Variants in RPS19 observed in about 807,000 individuals in gnomAD.
RPS19 encodes small ribosomal subunit protein eS19.
In RPS19, 1 loss-of-function variant was observed where a neutral mutation model predicts 20.3. The ratio of observed to expected loss-of-function variants is 0.05; its 90% CI spans 0.02 to 0.23. The LOEUF (loss-of-function observed/expected upper bound fraction) is 0.23, where lower values mean the gene tolerates loss of function less well. RPS19 is among the 10% of genes least tolerant of loss of function. The probability of loss-of-function intolerance (pLI) is 1.00; values close to 1 mark genes in which losing one functional copy is unlikely to be tolerated. For synonymous variants in RPS19, 87 were observed against 74.8 expected (o/e 1.16, Z -0.84); for missense variants, 111 against 192.7 (o/e 0.58, Z 2.51).
chr19:41,867,379 CT>C (rs1328861425), intron 3 of RPS19, among the ~76,000 whole-genome samples: 3 of 152,210 alleles, frequency 2.0e-5, no homozygotes, highest in Admixed American at 1.3e-4. Context: ...TCTTGGCTAA[CT>C]GCAACCTCTG....
chr19:41,869,581 G>C (rs2074124691), intron 4 of RPS19, 118 bp from the exon 5 acceptor site: 1 of 1,094,858 alleles, frequency 9.1e-7, no homozygotes, highest in Non-Finnish European at 1.4e-6. Flanking sequence ...AGGGCCCTCA[G>C]TGGGACTTGG....
rs1555839145 is a variant in RPS19 at position 41,861,105 on chromosome 19, G to A, written c.72-7G>A. On this transcript the variant is annotated splice_region_variant and splice_polypyrimidine_tract_variant and intron_variant, in intron 2 of 5. Coordinates refer to ENST00000598742, the MANE Select transcript of RPS19 (RefSeq NM_001022.4). ...GAATCGTGCTTTTCCCACTGTTTTG[G>A]TCTTAGGTCCGGGAAGCTGAAAGTC... The A allele has an allele frequency of 6.2e-7, 1 of 1,612,418 alleles. No individual in the cohort carries two copies. Among genetic ancestry groups the A allele is most frequent in the South Asian group, 1.1e-5 (1 of 91,054 alleles).
chr19:41,861,973 G>A (rs1418518144), intron 3 of RPS19, among the ~76,000 whole-genome samples: 1 of 152,190 alleles, frequency 6.6e-6, no homozygotes, highest in Non-Finnish European at 1.5e-5. Context: ...TCAGGAAGAT[G>A]TAACAGGGTG....
chr19:41,870,902 G>T (rs762051623), intron 5 of RPS19, among the ~76,000 whole-genome samples: 3 of 111,550 alleles, frequency 2.7e-5, no homozygotes, highest in African/African-American at 1.0e-4. Context: ...TTGCTCTGTC[G>T]CCCAGGCTGG....
At chr19:41,869,832 G>A in intron 5 of RPS19, 79 bp downstream of exon 5, 1 of 1,474,354 alleles carries the variant, frequency 6.8e-7, no homozygotes, top group Non-Finnish European at 9.5e-7. Flanking sequence ...TTGTCAGGTA[G>A]ACTTATTTCC....
chr19:41,869,248 TA>T, intron 4 of RPS19, 34 bp downstream of exon 4: 1 of 1,577,274 alleles, frequency 6.3e-7, no homozygotes, highest in South Asian at 1.1e-5. Flanking sequence ...ATTGATGGAG[TA>T]GCCTTGAGGC....
At chr19:41,861,836 T>C (rs1435286858) in intron 3 of RPS19, among the ~76,000 whole-genome samples, 2 of 152,240 alleles carry the variant, frequency 1.3e-5, no homozygotes, top group African/African-American at 4.8e-5. Context: ...TCTGATCTTA[T>C]GGACACCCTG....
intron 2 of RPS19, 90 bp from the exon 3 acceptor site, chr19:41,861,022 A>T: frequency 3.5e-6 from 4 of 1,146,142 alleles, no homozygotes; most frequent in Non-Finnish European, 5.3e-6. Flanking sequence ...CTCTGGGCAC[A>T]GCATAGTTGT....
chr19:41,867,700 G>C (rs2074104650), intron 3 of RPS19, among the ~76,000 whole-genome samples: 1 of 152,192 alleles, frequency 6.6e-6, no homozygotes, highest in Non-Finnish European at 1.5e-5. Flanking sequence ...AGCTACTTAG[G>C]AGGCTGAGGC....
At chr19:41,863,249 C>CCCG (rs1568790824) in intron 3 of RPS19, among the ~76,000 whole-genome samples, 1 of 152,150 alleles carries the variant, frequency 6.6e-6, no homozygotes, top group East Asian at 1.9e-4. Context: ...AAGCGGTCCT[C>CCCG]CCGCCTCAGC....
rs781922957 is a variant in RPS19 at position 41,871,387 on chromosome 19, T to A, written c.*10T>A. ...CAACAAGAAGCATTAGAACAAACCA[T>A]GCTGGGTTAATAAATTGCCTCATTC... On this transcript the variant is annotated 3_prime_UTR_variant, in exon 6 of 6. Coordinates refer to ENST00000598742, the MANE Select transcript of RPS19 (RefSeq NM_001022.4). 3.1e-6 allele frequency: 5 copies of A among 1,612,888 alleles called. No individual in the cohort carries two copies. Among genetic ancestry groups the A allele is most frequent in the Non-Finnish European group, 4.2e-6 (5 of 1,179,052 alleles).
rs1248458580 is a variant in RPS19, at chr19:41,871,868, T to TAA, written c.*493_*494dup. 5.4e-6 allele frequency: 1 copy of TAA among 186,854 alleles called. No homozygotes were observed. The highest frequency in any genetic ancestry group is 1.1e-5 in the Non-Finnish European group (1 of 88,344). 11.6% of individuals were successfully genotyped at this position (186,854 alleles called of 1,614,324 possible). A position where few individuals can be genotyped will look rare whatever the true frequency, so the allele number is the denominator to read the frequency against. ...GCTGCAGAGGTGGCTTCCGCTGGAG[T>TAA]AAAGCAAGAGGGCCCAGGGTTCATG... On this transcript the variant is annotated 3_prime_UTR_variant, in exon 6 of 6. Transcript: ENST00000598742.
At chr19:41,869,001 C>G in intron 3 of RPS19, 30 bp from the exon 4 acceptor site, 1 of 1,609,466 alleles carries the variant, frequency 6.2e-7, no homozygotes, top group Non-Finnish European at 8.5e-7. Flanking sequence ...TGATCAAGAC[C>G]CTTAAATCTC....
chr19:41,860,681 G>A, intron 1 of RPS19, 94 bp from the exon 2 acceptor site: 1 of 961,274 alleles, frequency 1.0e-6, no homozygotes, highest in African/African-American at 1.6e-5. Flanking sequence ...CCACGGTTTA[G>A]GATGCGCTGG....
chr19:41,871,588 G>A lies in RPS19; in HGVS notation c.*211G>A, dbSNP rs1555842051. ...TGAGCCACTGTGCCTGGTCTGGTTT[G>A]GGTCTCTTGATTGTTCTTCAGGGGC... On this transcript the variant is annotated 3_prime_UTR_variant, in exon 6 of 6. Transcript: ENST00000598742. 5.3e-6 allele frequency: 3 copies of A among 561,302 alleles called. No homozygotes were observed. The highest frequency in any genetic ancestry group is 1.9e-5 in the African/African-American group (1 of 52,654). 34.8% of individuals were successfully genotyped at this position (561,302 alleles called of 1,614,324 possible). A position where few individuals can be genotyped will look rare whatever the true frequency, so the allele number is the denominator to read the frequency against.
Position 41,861,122 on chromosome 19 carries a change from C to T in RPS19, c.82C>T (p.Leu28=), listed in dbSNP as rs781997499. The T allele has an allele frequency of 6.2e-7, 1 of 1,613,856 alleles. No individual in the cohort carries two copies. Among genetic ancestry groups the T allele is most frequent in the Non-Finnish European group, 8.5e-7 (1 of 1,179,888 alleles). The change falls in exon 3 of 6, where the codon CTG becomes TTG. Residue 28 remains leucine, a synonymous_variant. Transcript: ENST00000598742. The part of the protein sequence containing the change: ...LAAFLKKSGK[L]KVPEWVDTVK... The stretch of plus-strand genomic sequence containing the variant: ...CTGTTTTGGTCTTAGGTCCGGGAAG[C>T]TGAAAGTCCCCGAATGGGTGGATAC...
rs2074029911 is a variant in RPS19 at position 41,861,352 on chromosome 19, G to A, written c.172+140G>A. 4 of 693,830 alleles carry A rather than the reference G, an allele frequency of 5.8e-6. No homozygotes were observed. In the South Asian group the frequency reaches 6.1e-5, roughly 11 times the overall value. 43.0% of individuals were successfully genotyped at this position (693,830 alleles called of 1,614,324 possible). On this transcript the variant is annotated intron_variant, in intron 3 of 5. Coordinates refer to ENST00000598742, the MANE Select transcript of RPS19 (RefSeq NM_001022.4). ...GGTTGTGTCACCACTTGCTTTGTGT[G>A]ATGTGACATTCGATAACTTGGTACT...
intron 3 of RPS19, chr19:41,864,530 G>A (rs1039224343): frequency 6.6e-6 from 1 of 152,282 alleles, no homozygotes; most frequent in African/African-American, 2.4e-5. Context: ...CTCCTAAGGA[G>A]CCGTGCTTGG....
At position 41,866,886 on chromosome 19, in the gene RPS19, G is replaced by A. The variant is rs564103144; in HGVS notation, c.173-2145G>A. On this transcript the variant is annotated intron_variant, in intron 3 of 5. Transcript: ENST00000598742. Reference sequence around the variant, plus strand: ...AAAAAAATTAGCCAGGCGTGGTGGCGGGCCCCTGTAGTCCCAGCTACTCTG... The same window carrying A: ...AAAAAAATTAGCCAGGCGTGGTGGCAGGCCCCTGTAGTCCCAGCTACTCTG... Among the ~76,000 whole-genome samples, 7 of 151,688 alleles carry A rather than the reference G, an allele frequency of 4.6e-5. No homozygotes were observed. The South Asian group carries it at 6.3e-4, about 14-fold the overall frequency.
Sources: allele counts gnomAD v4.1 joint callset (sites outside exome capture counted in the v4.1 genomes callset), GRCh38; gene constraint gnomAD v4.1.1; transcripts MANE v1.5; gene names NCBI Gene and HGNC (gene_info 2026-07-23, HGNC 2026-07-21).